Variants in ASAP2 observed in about 807,000 individuals in gnomAD.
ASAP2 encodes the protein arf-GAP with SH3 domain, ANK repeat and PH domain-containing protein 2.
ASAP2 carries 45 observed loss-of-function variants against 131.4 expected under a neutral mutation model. The observed-to-expected ratio is 0.34, with a 90% CI of 0.27 to 0.44. The LOEUF (loss-of-function observed/expected upper bound fraction) is 0.44. Among genes scored for constraint, ASAP2 ranks in the 20% least tolerant of loss-of-function variants. The pLI, the probability that ASAP2 is intolerant of heterozygous loss-of-function variation, is 1.00. For synonymous variants in ASAP2, 510 were observed against 503.0 expected, an observed-to-expected ratio of 1.01 and a Z score of -0.19; for missense variants, 1,011 against 1,297.0, an observed-to-expected ratio of 0.78 and a Z score of 3.39.
At chr2:9,219,275 G>A (rs1414381078) in intron 1 of ASAP2, among the ~76,000 whole-genome samples, 1 of 152,238 alleles carries the variant, frequency 6.6e-6, no homozygotes, top group East Asian at 1.9e-4. Flanking sequence ...GTGTGAAGCA[G>A]TGATTTTCAC....
intron 19 of ASAP2, 82 bp from the exon 20 acceptor site, chr2:9,380,659 G>A: frequency 7.5e-7 from 1 of 1,324,716 alleles, no homozygotes; most frequent in Non-Finnish European, 1.1e-6. Flanking sequence ...CTGCCTTTCT[G>A]TTCCTTTTAA....
intron 1 of ASAP2, among the ~76,000 whole-genome samples, chr2:9,235,164 A>G (rs950484440): frequency 6.6e-6 from 1 of 152,182 alleles, no homozygotes; most frequent in African/African-American, 2.4e-5. Flanking sequence ...GTGTGGCTAC[A>G]GAGTGACTAA....
intron 6 of ASAP2, 51 bp from the exon 7 acceptor site, chr2:9,327,775 A>C: frequency 7.1e-7 from 1 of 1,399,198 alleles, no homozygotes; most frequent in Non-Finnish European, 9.8e-7. Flanking sequence ...AGCTCCTTTT[A>C]AACTCGTATT....
chr2:9,356,840 T>A (rs1672742346), intron 14 of ASAP2, among the ~76,000 whole-genome samples: 1 of 152,168 alleles, frequency 6.6e-6, no homozygotes, highest in South Asian at 2.1e-4. Flanking sequence ...ACAGGACCCT[T>A]TCAGCTGACA....
chr2:9,307,981 T>C (rs1219893374), intron 3 of ASAP2, among the ~76,000 whole-genome samples: 3 of 152,214 alleles, frequency 2.0e-5, no homozygotes, highest in Non-Finnish European at 4.4e-5. Flanking sequence ...TGTGCATGCA[T>C]GTGTGTATGA....
intron 3 of ASAP2, among the ~76,000 whole-genome samples, chr2:9,301,499 G>C (rs1277855143): frequency 6.6e-6 from 1 of 152,216 alleles, no homozygotes; most frequent in Admixed American, 6.5e-5. Flanking sequence ...ATCCTGGAAA[G>C]ACTCCAAGGG....
rs374012052 is a variant in ASAP2, at chr2:9,347,236, G to A, written c.1023+2436G>A. 3.3e-4 allele frequency among the ~76,000 whole-genome samples: 50 copies of A among 152,240 alleles called. No homozygotes were observed. In the South Asian group the frequency reaches 0.01, roughly 31 times the overall value. On this transcript the variant is annotated intron_variant, in intron 11 of 27. Coordinates refer to ENST00000281419, the MANE Select transcript of ASAP2 (RefSeq NM_003887.3). ...TCTCACCTTTTCCCTATTTCCCTGC[G>A]TGCTCTGGAAGTCAGAATCCAGAGG...
At chr2:9,216,230 C>G (rs1662015663) in intron 1 of ASAP2, among the ~76,000 whole-genome samples, 1 of 151,118 alleles carries the variant, frequency 6.6e-6, no homozygotes, top group African/African-American at 2.4e-5. Flanking sequence ...GCTGCTGTTG[C>G]AAGAGTGTGT....
intron 1 of ASAP2, among the ~76,000 whole-genome samples, chr2:9,218,897 T>G (rs1361809014): frequency 1.3e-5 from 2 of 152,228 alleles, no homozygotes; most frequent in African/African-American, 4.8e-5. Flanking sequence ...ATCCCCTTCT[T>G]TAAAGATTCC....
chr2:9,303,429 A>G (rs79478027), intron 3 of ASAP2, among the ~76,000 whole-genome samples: 5,716 of 152,272 alleles, frequency 0.038, 144 homozygotes, highest in Non-Finnish European at 0.058. Flanking sequence ...CTGAAGAGCA[A>G]GGTGACTTGG....
chr2:9,334,506 GAA>G (rs2148561825), intron 7 of ASAP2, among the ~76,000 whole-genome samples: 1 of 152,276 alleles, frequency 6.6e-6, no homozygotes, highest in Non-Finnish European at 1.5e-5. Flanking sequence ...TATGGGTCGA[GAA>G]AAATCTCAAA....
At chr2:9,245,300 G>T (rs750624150) in intron 1 of ASAP2, among the ~76,000 whole-genome samples, 1 of 152,122 alleles carries the variant, frequency 6.6e-6, no homozygotes, top group Admixed American at 6.5e-5. Context: ...TGTTGCTGCC[G>T]TGGCTGTTGC....
At chr2:9,235,247 C>G (rs1271889458) in intron 1 of ASAP2, among the ~76,000 whole-genome samples, 1 of 152,172 alleles carries the variant, frequency 6.6e-6, no homozygotes, top group Non-Finnish European at 1.5e-5. Context: ...TTTTGGACCA[C>G]ACAGATGGCT....
intron 1 of ASAP2, among the ~76,000 whole-genome samples, chr2:9,209,600 G>A (rs1444203722): frequency 2.6e-5 from 4 of 152,122 alleles, no homozygotes; most frequent in Non-Finnish European, 4.4e-5. Flanking sequence ...ACGGAGTTTT[G>A]CTCTTGTTGC....
chr2:9,273,681 CTG>C (rs1666564266), intron 1 of ASAP2, among the ~76,000 whole-genome samples: 2 of 152,166 alleles, frequency 1.3e-5, no homozygotes, highest in East Asian at 1.9e-4. Flanking sequence ...GCAGTCAAAA[CTG>C]TCGTTTTGTG....
At position 9,335,156 on chromosome 2, in the gene ASAP2, G is replaced by T; in HGVS notation, c.826G>T (p.Ala276Ser). ...ACAGCTTCGAGATATTTTGAAATCCGCATTGCAGGTTGAACAGAAAGAGGT... is the reference window on the plus strand; with the variant it reads ...ACAGCTTCGAGATATTTTGAAATCCTCATTGCAGGTTGAACAGAAAGAGGT... ...LIQLRDILKS[A>S]LQVEQKEDSQ... Residue 276 changes from alanine to serine, a missense_variant, in exon 9 of 28, where the codon GCA becomes TCA. Ala to Ser is a moderately conservative substitution (Grantham distance 99). Coordinates refer to ENST00000281419, the MANE Select transcript of ASAP2 (RefSeq NM_003887.3). The T allele has an allele frequency of 6.2e-7, 1 of 1,614,102 alleles. No individual in the cohort carries two copies.
In ASAP2 at chr2:9,212,823, C is replaced by T. The variant is rs529070986; in HGVS notation, c.126+5593C>T. 8.5e-5 allele frequency among the ~76,000 whole-genome samples: 13 copies of T among 152,260 alleles called. No homozygotes were observed. The South Asian group carries it at 1.5e-3, about 17-fold the overall frequency. ...GGAAACTTGCTGAAATGCAGAGCCCCGGGTTCCACCCAGGACAATTTTTAC... is the reference window on the plus strand; with the variant it reads ...GGAAACTTGCTGAAATGCAGAGCCCTGGGTTCCACCCAGGACAATTTTTAC... On this transcript the variant is annotated intron_variant, in intron 1 of 27. Transcript: ENST00000281419.
chr2:9,383,792 A>G (rs1026376081), intron 20 of ASAP2, among the ~76,000 whole-genome samples: 6 of 152,228 alleles, frequency 3.9e-5, no homozygotes, highest in Non-Finnish European at 4.4e-5. Context: ...GACTGGATTA[A>G]GAAAATGTGG....
intron 3 of ASAP2, among the ~76,000 whole-genome samples, chr2:9,316,970 G>T (rs575233152): frequency 3.3e-5 from 1 of 30,070 alleles, no homozygotes; most frequent in Non-Finnish European, 6.9e-5. Flanking sequence ...CACACCCCCC[G>T]TCACACCCTC....
Sources: allele counts gnomAD v4.1 joint callset (sites outside exome capture counted in the v4.1 genomes callset), GRCh38; gene constraint gnomAD v4.1.1; transcripts MANE v1.5; gene names NCBI Gene and HGNC (gene_info 2026-07-23, HGNC 2026-07-21).